The following FAN1 variants were observed in gnomAD, a reference collection of about 807,000 sequenced individuals.
The protein encoded by FAN1 is fanconi-associated nuclease 1.
Under a neutral mutation model 104.9 loss-of-function variants are expected in FAN1, and 91 were observed. That is an observed-to-expected ratio of 0.87 (90% confidence interval 0.73 to 1.03). The LOEUF (loss-of-function observed/expected upper bound fraction) is 1.03, where lower values mean the gene tolerates loss of function less well. Ranked by LOEUF, FAN1 falls within the 50% of genes least tolerant of loss-of-function variation. The pLI is 0.00. For missense variants in FAN1, 1,263 were observed against 1,239.9 expected (o/e 1.02, Z -0.28); for synonymous variants, 478 against 457.6 (o/e 1.04, Z -0.57).
chr15:30,918,224 G>C lies in FAN1; in HGVS notation c.1872G>C (p.Trp624Cys), dbSNP rs753997087. ...DISSAMANGNWEEAKELAQCA... is the reference protein window; with the variant it reads ...DISSAMANGNCEEAKELAQCA... ...CTTCCGCAATGGCCAATGGGAACTG[G>C]GAAGAAGCTAAGGAGCTCGCTCAGT... is the stretch of plus-strand genomic sequence containing the variant. Residue 624 changes from tryptophan (W) to cysteine (C), a missense_variant, in exon 6 of 15, where the codon TGG becomes TGC. Coordinates refer to ENST00000362065, the MANE Select transcript of FAN1 (RefSeq NM_014967.5). 5.6e-6 allele frequency: 9 copies of C among 1,613,968 alleles called. 1 individual carries two copies. Among genetic ancestry groups the C allele is most frequent in the Non-Finnish European group, 7.6e-6 (9 of 1,180,020 alleles).
chr15:30,933,748 C>CT (rs1273706462), intron 13 of FAN1, among the ~76,000 whole-genome samples: 2 of 145,522 alleles, frequency 1.4e-5, no homozygotes, highest in South Asian at 2.1e-4. Flanking sequence ...TGTGGTATTT[C>CT]TTTTCTTTTT....
intron 13 of FAN1, among the ~76,000 whole-genome samples, chr15:30,931,692 T>A (rs2062713768): frequency 6.6e-6 from 1 of 152,222 alleles, no homozygotes; most frequent in African/African-American, 2.4e-5. Flanking sequence ...CTTCCTCCAC[T>A]GAATTCCCTC....
chr15:30,928,968 G>A (rs1210785338), intron 11 of FAN1, among the ~76,000 whole-genome samples: 1 of 152,204 alleles, frequency 6.6e-6, no homozygotes, highest in African/African-American at 2.4e-5. Context: ...ACAGACATGG[G>A]CACATCTGCC....
intron 13 of FAN1, among the ~76,000 whole-genome samples, chr15:30,935,379 T>C (rs976150421): frequency 1.3e-5 from 2 of 152,118 alleles, no homozygotes; most frequent in African/African-American, 4.8e-5. Context: ...ATTACAGTAG[T>C]TAGCCCTCTG....
intron 10 of FAN1, chr15:30,927,064 C>T: frequency 1.0e-6 from 1 of 972,572 alleles, no homozygotes; most frequent in Non-Finnish European, 1.2e-6. Context: ...GTAATCCCAG[C>T]ACTTGGGGAG....
chr15:30,911,656 C>T (rs1315203459), intron 4 of FAN1: 1 of 910,194 alleles, frequency 1.1e-6, no homozygotes, highest in Non-Finnish European at 1.3e-6. Context: ...ATAGAATCCT[C>T]ATCTGTGTGG....
In FAN1 at chr15:30,942,091, A is replaced by G; in HGVS notation, c.*529A>G. 1 of 1,601,776 alleles carries G rather than the reference A, an allele frequency of 6.2e-7. No homozygotes were observed. The highest frequency in any genetic ancestry group is 8.5e-7 in the Non-Finnish European group (1 of 1,172,276). On this transcript the variant is annotated 3_prime_UTR_variant, in exon 15 of 15. Coordinates refer to ENST00000362065, the MANE Select transcript of FAN1 (RefSeq NM_014967.5). ...AGCTTTTCTATACAGAAGAGATTTT[A>G]TTATGTTCCGGGGATTCCCTTTTTA...
chr15:30,940,811 A>AAAGT (rs2063020170), intron 14 of FAN1: 1 of 987,340 alleles, frequency 1.0e-6, no homozygotes, highest in Non-Finnish European at 1.2e-6. Flanking sequence ...TTTGTATCCT[A>AAAGT]AAGTCAAAGG....
rs527958555 is a variant in FAN1, at chr15:30,941,736, C to T, written c.*174C>T. 83 of 1,613,906 alleles carry T rather than the reference C, an allele frequency of 5.1e-5. No homozygotes were observed. The highest frequency in any genetic ancestry group is 4.7e-4 in the African/African-American group (35 of 75,016). ...TGCCGCAGCATCCTGCTCAGTACGT[C>T]GACTTCATCAGCCAGGAGGGAGAGC... is the stretch of plus-strand genomic sequence containing the variant. On this transcript the variant is annotated 3_prime_UTR_variant, in exon 15 of 15. Transcript: ENST00000362065.
intron 6 of FAN1, among the ~76,000 whole-genome samples, chr15:30,918,624 G>A (rs1264674324): frequency 6.6e-6 from 1 of 152,214 alleles, no homozygotes; most frequent in Non-Finnish European, 1.5e-5. Context: ...GAAGCCAGCA[G>A]CAGGACGGAT....
rs756481052 is a variant in FAN1, at chr15:30,930,676, G to T, written c.2916+5G>T. The stretch of plus-strand genomic sequence containing the variant: ...TCCCAGAGCCGTCACTTTAAGGTCA[G>T]TTGAGGCAGAATGGAAAGTCCTGTT... On this transcript the variant is annotated splice_donor_5th_base_variant and intron_variant, in intron 13 of 14. Coordinates refer to ENST00000362065, the MANE Select transcript of FAN1 (RefSeq NM_014967.5). The T allele has an allele frequency of 1.2e-6, 2 of 1,612,720 alleles. No individual in the cohort carries two copies. The highest frequency in any genetic ancestry group is 1.7e-6 in the Non-Finnish European group (2 of 1,179,502).
At chr15:30,940,094 T>C (rs916797450) in intron 14 of FAN1, 75 of 984,538 alleles carry the variant, frequency 7.6e-5, no homozygotes, top group Non-Finnish European at 8.9e-5. Flanking sequence ...CTAGACACTT[T>C]ACTATAAAAA....
intron 14 of FAN1, chr15:30,939,804 G>A (rs1172522978): frequency 1.5e-5 from 15 of 985,048 alleles, no homozygotes; most frequent in African/African-American, 1.7e-5. Flanking sequence ...AAGGAGATTG[G>A]GTCTGGTTTC....
At chr15:30,913,194 T>C (rs1232079976) in intron 4 of FAN1, among the ~76,000 whole-genome samples, 2 of 152,184 alleles carry the variant, frequency 1.3e-5, no homozygotes, top group African/African-American at 2.4e-5. Context: ...TAGATTCTCA[T>C]AGGAGTGTGA....
intron 3 of FAN1, among the ~76,000 whole-genome samples, chr15:30,909,600 C>A (rs778730724): frequency 6.6e-6 from 1 of 152,202 alleles, no homozygotes; most frequent in African/African-American, 2.4e-5. Flanking sequence ...AGTGGCTCAC[C>A]GTGGCACTCA....
chr15:30,939,814 C>A, intron 14 of FAN1: 2 of 985,282 alleles, frequency 2.0e-6, no homozygotes, highest in Non-Finnish European at 2.4e-6. Flanking sequence ...GGTCTGGTTT[C>A]TAATCAAGGA....
intron 4 of FAN1, chr15:30,911,554 A>C: frequency 1.0e-6 from 1 of 973,954 alleles, no homozygotes; most frequent in African/African-American, 1.8e-5. Flanking sequence ...TAAGAAAAAT[A>C]TAAATACCAA....
chr15:30,929,604 A>G (rs1408082813), intron 12 of FAN1, among the ~76,000 whole-genome samples: 2 of 124,914 alleles, frequency 1.6e-5, no homozygotes, highest in Non-Finnish European at 3.1e-5. Flanking sequence ...TATATTACAT[A>G]TTACATATAT....
chr15:30,936,289 T>C (rs2140969599), intron 13 of FAN1, among the ~76,000 whole-genome samples: 1 of 152,194 alleles, frequency 6.6e-6, no homozygotes, highest in East Asian at 1.9e-4. Context: ...AGCTGAGCAT[T>C]GAAAGGTAAG....
Sources: allele counts gnomAD v4.1 joint callset (sites outside exome capture counted in the v4.1 genomes callset), GRCh38; gene constraint gnomAD v4.1.1; transcripts MANE v1.5; gene names NCBI Gene and HGNC (gene_info 2026-07-23, HGNC 2026-07-21).